CFAP61: variants seen among roughly 807,000 people sequenced by gnomAD.
CFAP61 encodes cilia and flagella associated protein 61, also known as cilia- and flagella-associated protein 61.
In CFAP61, 107 loss-of-function variants were observed where a neutral mutation model predicts 135.6. The observed-to-expected ratio is 0.79, with a 90% CI of 0.67 to 0.93. The LOEUF (loss-of-function observed/expected upper bound fraction) is 0.93, where lower values mean the gene tolerates loss of function less well. CFAP61 is among the 40% of genes least tolerant of loss of function. The probability of loss-of-function intolerance (pLI) is 0.00; values close to 1 mark genes in which losing one functional copy is unlikely to be tolerated. For missense variants in CFAP61, 1,507 were observed against 1,556.2 expected (o/e 0.97, Z 0.53); for synonymous variants, 575 against 578.5 (o/e 0.99, Z 0.09).
intron 9 of CFAP61, 139 bp from the exon 10 acceptor site, chr20:20,159,231 G>T (rs1304684678): frequency 2.9e-6 from 2 of 681,364 alleles, no homozygotes; most frequent in East Asian, 2.7e-5. Context: ...GGAAACTGAG[G>T]TTACATAATT....
At chr20:20,129,485 G>T (rs778593718) in intron 8 of CFAP61, among the ~76,000 whole-genome samples, 1 of 151,638 alleles carries the variant, frequency 6.6e-6, no homozygotes, top group Non-Finnish European at 1.5e-5. Context: ...CTGCTTTTAG[G>T]ATCCTCTCTT....
chr20:20,083,328 G>A (rs532206362), intron 6 of CFAP61, among the ~76,000 whole-genome samples: 36 of 151,862 alleles, frequency 2.4e-4, no homozygotes, highest in South Asian at 1.2e-3. Flanking sequence ...ATAGTGGACC[G>A]TGGGGGCTGG....
intron 25 of CFAP61, among the ~76,000 whole-genome samples, chr20:20,336,456 G>A (rs757578177): frequency 5.3e-5 from 8 of 151,970 alleles, no homozygotes; most frequent in Non-Finnish European, 1.2e-4. Context: ...CCCCGTTTCT[G>A]AAAGATTCCA....
chr20:20,140,921 T>C (rs6136953), intron 8 of CFAP61, among the ~76,000 whole-genome samples: 2 of 71,004 alleles, frequency 2.8e-5, no homozygotes, highest in African/African-American at 4.9e-5. Context: ...TTTTTTTTCC[T>C]TTTTTTTTTT....
chr20:20,211,897 C>G (rs1431871955), intron 17 of CFAP61, among the ~76,000 whole-genome samples: 1 of 152,138 alleles, frequency 6.6e-6, no homozygotes, highest in Non-Finnish European at 1.5e-5. Context: ...GCAAACCACC[C>G]CTCCCACCGC....
intron 25 of CFAP61, among the ~76,000 whole-genome samples, chr20:20,333,889 C>A (rs1052245574): frequency 1.3e-5 from 2 of 152,194 alleles, no homozygotes; most frequent in South Asian, 4.1e-4. Flanking sequence ...AGAGCTCAGC[C>A]TCCCTCCCTC....
intron 20 of CFAP61, among the ~76,000 whole-genome samples, chr20:20,254,775 A>G (rs1569199103): frequency 6.6e-6 from 1 of 152,240 alleles, no homozygotes; most frequent in Admixed American, 6.5e-5. Flanking sequence ...TATAAAATGT[A>G]ATGACAAACC....
At chr20:20,219,185 T>C (rs1217903888) in intron 17 of CFAP61, among the ~76,000 whole-genome samples, 1 of 152,222 alleles carries the variant, frequency 6.6e-6, no homozygotes, top group Non-Finnish European at 1.5e-5. Context: ...ACTTACCCAC[T>C]CTGTCTAGCT....
intron 4 of CFAP61, 76 bp downstream of exon 4, chr20:20,074,454 A>T: frequency 7.6e-7 from 1 of 1,308,728 alleles, no homozygotes; most frequent in Non-Finnish European, 1.1e-6. Context: ...TTTAAAAGAC[A>T]TGAAATTCTT....
Position 20,246,104 on chromosome 20 carries a change from T to G in CFAP61, c.2061-13T>G. 6.5e-7 allele frequency: 1 copy of G among 1,540,354 alleles called. No individual in the cohort carries two copies. The highest frequency in any genetic ancestry group is 8.9e-7 in the Non-Finnish European group (1 of 1,123,624). On this transcript the variant is annotated splice_polypyrimidine_tract_variant and intron_variant, in intron 18 of 26. Transcript: ENST00000245957. ...TTAACTGCTTGTTCTTTTTCATTTT[T>G]CTTTTTCTTTAGCTCTCACATGAAG...
chr20:20,152,179 A>G (rs1006928508), intron 9 of CFAP61, among the ~76,000 whole-genome samples: 2 of 152,178 alleles, frequency 1.3e-5, no homozygotes, highest in South Asian at 2.1e-4. Context: ...AGAATTTGCC[A>G]CTACCAAGCC....
chr20:20,127,280 G>A (rs371549039), intron 8 of CFAP61, among the ~76,000 whole-genome samples: 2 of 151,520 alleles, frequency 1.3e-5, no homozygotes, highest in African/African-American at 2.4e-5. Context: ...ATTTTTTGGG[G>A]TTGTTAAAGA....
chr20:20,141,156 G>T (rs143116581), intron 8 of CFAP61, among the ~76,000 whole-genome samples: 544 of 152,184 alleles, frequency 3.6e-3, no homozygotes, highest in Non-Finnish European at 6.3e-3. Flanking sequence ...CCTGACCTCA[G>T]GTGATCCAAC....
At chr20:20,299,140 C>G (rs2055870993) in intron 25 of CFAP61, among the ~76,000 whole-genome samples, 1 of 152,198 alleles carries the variant, frequency 6.6e-6, no homozygotes, top group Non-Finnish European at 1.5e-5. Flanking sequence ...ATCAATCTCT[C>G]TTGCCTCTTA....
At chr20:20,296,116 TCCCTTCCTTCCTTCCTTCCTC>T in intron 24 of CFAP61, among the ~76,000 whole-genome samples, 1 of 3,616 alleles carries the variant, frequency 2.8e-4, no homozygotes, top group Non-Finnish European at 5.1e-4. Flanking sequence ...CCTCCCTCCT[TCCCTTCCTTCCTTCCTTCCTC>T]CCTCCCTCCC....
At chr20:20,345,627 C>A (rs2058600751) in intron 26 of CFAP61, among the ~76,000 whole-genome samples, 1 of 152,012 alleles carries the variant, frequency 6.6e-6, no homozygotes, top group African/African-American at 2.4e-5. Context: ...AGATTAGAAT[C>A]ATTATAACAT....
rs745958742 is a variant in CFAP61, at chr20:20,228,257, T to C, written c.1941T>C (p.Tyr647=). The change falls in exon 18 of 27, where the codon TAT becomes TAC. Residue 647 remains tyrosine, a synonymous_variant. Coordinates refer to ENST00000245957, the MANE Select transcript of CFAP61 (RefSeq NM_015585.4). ...TCGTATTTTTTTTCCAGATGAGTTA[T>C]GCTTTAAACCATACAAACAGAAAAC... ...SKAVSKDPMS[Y]ALNHTNRKLT... is the part of the protein sequence containing the mutation. 2 of 1,601,652 alleles carry C rather than the reference T, an allele frequency of 1.2e-6. No homozygotes were observed. The highest frequency in any genetic ancestry group is 2.2e-5 in the South Asian group (2 of 90,114).
At chr20:20,192,562 C>T (rs1348196760) in intron 15 of CFAP61, among the ~76,000 whole-genome samples, 1 of 152,060 alleles carries the variant, frequency 6.6e-6, no homozygotes, top group East Asian at 1.9e-4. Context: ...GCCCTCCTCC[C>T]GCGCCACCCT....
chr20:20,196,672 C>G lies in CFAP61; in HGVS notation c.1693C>G (p.Pro565Ala). 1 of 1,614,102 alleles carries G rather than the reference C, an allele frequency of 6.2e-7. No individual in the cohort carries two copies. Among genetic ancestry groups the G allele is most frequent in the Non-Finnish European group, 8.5e-7 (1 of 1,179,988 alleles). ...GCACATGCATCACTTTGCCCTCAAC[C>G]CCATTTTCCGGCACTACACCAAGTT... ...HGHMHHFALN[P>A]IFRHYTKFFL... Residue 565 changes from proline to alanine, a missense_variant, in exon 16 of 27, where the codon CCC (proline) becomes GCC (alanine). Coordinates refer to ENST00000245957, the MANE Select transcript of CFAP61 (RefSeq NM_015585.4).
Sources: allele counts gnomAD v4.1 joint callset (sites outside exome capture counted in the v4.1 genomes callset), GRCh38; gene constraint gnomAD v4.1.1; transcripts MANE v1.5; gene names NCBI Gene and HGNC (gene_info 2026-07-23, HGNC 2026-07-21).